The following DMD variants were observed in gnomAD, a reference collection of about 807,000 sequenced individuals.
The protein encoded by DMD is dystrophin, also known as mutant dystrophin.
DMD carries 63 observed loss-of-function variants against 330.1 expected under a neutral mutation model. That is an observed-to-expected ratio of 0.19 (90% CI 0.16 to 0.24). The LOEUF is 0.24. DMD is among the 10% of genes least tolerant of loss of function. The pLI, the probability that DMD is intolerant of heterozygous loss-of-function variation, is 1.00. For synonymous variants in DMD, 1,223 were observed against 959.8 expected (o/e 1.27, Z -5.07); for missense variants, 3,344 against 2,684.1 (o/e 1.25, Z -5.43).
intron 43 of DMD, among the ~76,000 whole-genome samples, chrX:32,258,157 G>C: frequency 9.0e-6 from 1 of 111,441 alleles, no homozygotes; most frequent in Middle Eastern, 4.6e-3. Context: ...TCAAAAGTCA[G>C]GCAACAACAG....
At chrX:31,482,237 G>T (rs751530958) in intron 57 of DMD, among the ~76,000 whole-genome samples, 1 of 94,063 alleles carries the variant, frequency 1.1e-5, no homozygotes, top group Non-Finnish European at 2.0e-5. Flanking sequence ...GTGTGTGTGT[G>T]GGGGGGGTGT....
At chrX:32,738,439 C>T (rs764543242) in intron 7 of DMD, among the ~76,000 whole-genome samples, 2 of 111,624 alleles carry the variant, frequency 1.8e-5, no homozygotes, top group Non-Finnish European at 3.8e-5. Flanking sequence ...CAACAGTTTG[C>T]TTCTACATTT....
chrX:32,848,872 G>A (rs964394042), intron 3 of DMD, among the ~76,000 whole-genome samples: 11 of 111,225 alleles, frequency 9.9e-5, no homozygotes, highest in Middle Eastern at 4.2e-3. Context: ...AATATATACC[G>A]AGAAAAGAGT....
intron 7 of DMD, among the ~76,000 whole-genome samples, chrX:32,787,992 C>T (rs1204984109): frequency 9.0e-6 from 1 of 111,360 alleles, no homozygotes; most frequent in Admixed American, 9.6e-5. Flanking sequence ...CTTGAAGTAG[C>T]AGTGGGAGGT....
At chrX:31,872,709 C>T (rs745759980) in intron 48 of DMD, among the ~76,000 whole-genome samples, 66 of 111,491 alleles carry the variant, frequency 5.9e-4, no homozygotes, top group African/African-American at 2.1e-3. Flanking sequence ...CTTTCCTCTT[C>T]GCAATATTAC....
At chrX:33,015,575 A>G (rs2093786127) in intron 2 of DMD, among the ~76,000 whole-genome samples, 1 of 110,509 alleles carries the variant, frequency 9.0e-6, no homozygotes, top group African/African-American at 3.3e-5. Flanking sequence ...TAGGCCTAAT[A>G]TCTGGGTGAT....
At chrX:31,214,926 A>ATTTT (rs1556299003) in intron 64 of DMD, among the ~76,000 whole-genome samples, 2 of 57,248 alleles carry the variant, frequency 3.5e-5, no homozygotes, top group African/African-American at 1.3e-4. Flanking sequence ...ATACTTTTTT[A>ATTTT]TTTCTTTTTT....
chrX:32,670,541 C>T (rs927872670), intron 9 of DMD, among the ~76,000 whole-genome samples: 1 of 111,315 alleles, frequency 9.0e-6, no homozygotes, highest in Non-Finnish European at 1.9e-5. Flanking sequence ...ATAAATATTG[C>T]CATTCAAGTA....
intron 18 of DMD, among the ~76,000 whole-genome samples, chrX:32,506,224 T>A (rs190208929): frequency 9.0e-6 from 1 of 111,191 alleles, no homozygotes; most frequent in Admixed American, 9.6e-5. Context: ...GAAACAAATA[T>A]ACCACTCTAG....
At chrX:31,718,339 A>T (rs1245541920) in intron 52 of DMD, among the ~76,000 whole-genome samples, 8 of 110,861 alleles carry the variant, frequency 7.2e-5, no homozygotes, top group Admixed American at 5.8e-4. Context: ...AGATGTGAAA[A>T]TTTTTTTACT....
intron 43 of DMD, among the ~76,000 whole-genome samples, chrX:32,242,780 G>A (rs983539805): frequency 1.8e-5 from 2 of 110,279 alleles, no homozygotes; most frequent in Non-Finnish European, 3.8e-5. Flanking sequence ...TAGTTAGAAC[G>A]CATTGGCATA....
At chrX:32,246,928 A>T (rs2097241232) in intron 43 of DMD, among the ~76,000 whole-genome samples, 1 of 110,997 alleles carries the variant, frequency 9.0e-6, no homozygotes, top group South Asian at 3.8e-4. Context: ...CGTACTTCAG[A>T]GTCAAATGTG....
intron 55 of DMD, among the ~76,000 whole-genome samples, chrX:31,598,775 A>C (rs186510455): frequency 8.6e-4 from 96 of 112,119 alleles, no homozygotes; most frequent in Non-Finnish European, 1.6e-3. Flanking sequence ...GTTAGGTTTA[A>C]GAAAAGAAAA....
At chrX:32,778,376 T>A (rs906049777) in intron 7 of DMD, among the ~76,000 whole-genome samples, 1 of 111,201 alleles carries the variant, frequency 9.0e-6, no homozygotes, top group African/African-American at 3.3e-5. Flanking sequence ...GAGGGCAGTT[T>A]GTCAGGCCCC....
intron 2 of DMD, among the ~76,000 whole-genome samples, chrX:32,872,726 A>T (rs766201538): frequency 3.5e-4 from 39 of 112,282 alleles, no homozygotes; most frequent in African/African-American, 1.3e-3. Flanking sequence ...GGGGAAGTGG[A>T]TGCTAAATGA....
At chrX:31,329,159 C>G (rs895489205) in intron 61 of DMD, among the ~76,000 whole-genome samples, 60 of 112,164 alleles carry the variant, frequency 5.3e-4, no homozygotes, top group African/African-American at 1.9e-3. Flanking sequence ...ATGAATAAAG[C>G]TGGTATCAAC....
intron 9 of DMD, among the ~76,000 whole-genome samples, chrX:32,692,277 A>C (rs760333376): frequency 8.9e-6 from 1 of 112,351 alleles, no homozygotes; most frequent in South Asian, 3.7e-4. Context: ...TCTACTCAGA[A>C]GTCTTCAGTG....
chrX:33,328,651 G>A (rs2148961929), intron 1 of DMD, among the ~76,000 whole-genome samples: 1 of 111,368 alleles, frequency 9.0e-6, no homozygotes, highest in African/African-American at 3.3e-5. Context: ...AAAGAGACAA[G>A]GAGTTTGAGT....
chrX:31,563,336 A>T lies in DMD; in HGVS notation c.8218-55883T>A, dbSNP rs745898515. ...CAGACTCCCAAAGTGCTGGGATTAC[A>T]GGCGTAAGCCACCATGCCCGGCCTC... On this transcript the variant is annotated intron_variant, in intron 55 of 78. Transcript: ENST00000357033. Among the ~76,000 whole-genome samples, 4 of 112,235 alleles carry T rather than the reference A, an allele frequency of 3.6e-5. No homozygotes were observed. The South Asian group carries it at 1.5e-3, about 42-fold the overall frequency.
Sources: allele counts gnomAD v4.1 joint callset (sites outside exome capture counted in the v4.1 genomes callset), GRCh38; gene constraint gnomAD v4.1.1; transcripts MANE v1.5; gene names NCBI Gene and HGNC (gene_info 2026-07-23, HGNC 2026-07-21).